The following MEGF6 variants were observed in gnomAD, a reference collection of about 807,000 sequenced individuals.
MEGF6 encodes multiple epidermal growth factor-like domains protein 6.
MEGF6 carries 184 observed loss-of-function variants against 207.1 expected under a neutral mutation model. The observed-to-expected ratio is 0.89, with a 90% confidence interval of 0.79 to 1.00. The LOEUF is 1.00. Among genes scored for constraint, MEGF6 ranks in the 50% least tolerant of loss-of-function variants. The pLI is 0.00. For missense variants in MEGF6, 2,282 were observed against 2,202.9 expected, an observed-to-expected ratio of 1.04 and a Z score of -0.72; for synonymous variants, 1,038 against 910.0, an observed-to-expected ratio of 1.14 and a Z score of -2.53.
intron 4 of MEGF6, among the ~76,000 whole-genome samples, chr1:3,569,420 T>C (rs998674501): frequency 1.3e-5 from 2 of 152,176 alleles, no homozygotes; most frequent in Non-Finnish European, 2.9e-5. Flanking sequence ...ATCTGTGAAG[T>C]GGAACAGGCA....
intron 3 of MEGF6, among the ~76,000 whole-genome samples, chr1:3,581,533 C>G (rs1245570563): frequency 6.6e-6 from 1 of 152,216 alleles, no homozygotes; most frequent in Non-Finnish European, 1.5e-5. Flanking sequence ...TAACAGGAAA[C>G]ATCCGTGTCC....
intron 17 of MEGF6, among the ~76,000 whole-genome samples, chr1:3,502,502 G>A (rs930514027): frequency 8.5e-5 from 13 of 152,068 alleles, no homozygotes; most frequent in South Asian, 2.1e-4. Flanking sequence ...CACTCCACCC[G>A]CAGAGTCACT....
chr1:3,508,915 CTG>C (rs1292090661), intron 12 of MEGF6, among the ~76,000 whole-genome samples, 158 bp downstream of exon 12: 5 of 152,214 alleles, frequency 3.3e-5, no homozygotes, highest in African/African-American at 1.2e-4. Context: ...GCTGCGCAAA[CTG>C]AGCCAGTGGC....
intron 12 of MEGF6, 124 bp from the exon 13 acceptor site, chr1:3,508,813 C>A: frequency 7.8e-7 from 1 of 1,287,206 alleles, no homozygotes; most frequent in East Asian, 2.4e-5. Flanking sequence ...CATGAGGGCC[C>A]CCAAAGGGTG....
At chr1:3,584,011 G>A (rs2995009) in intron 3 of MEGF6, among the ~76,000 whole-genome samples, 90,451 of 151,526 alleles carry the variant, frequency 0.6, 29,962 homozygotes, top group Non-Finnish European at 0.75. Context: ...AGTGAGGACC[G>A]TGGCCATTTG....
chr1:3,510,702 C>T (rs1440882968), intron 10 of MEGF6, 81 bp downstream of exon 10: 2 of 1,503,828 alleles, frequency 1.3e-6, no homozygotes, highest in African/African-American at 1.4e-5. Context: ...CATGGGGGTA[C>T]CAGAGCCAGC....
At chr1:3,492,884 G>A (rs1640431598) in intron 34 of MEGF6, 117 bp from the exon 35 acceptor site, 2 of 1,406,876 alleles carry the variant, frequency 1.4e-6, no homozygotes, top group Admixed American at 2.2e-5. Flanking sequence ...CCTTCTGCCT[G>A]GGTGTGTGCG....
At chr1:3,604,250 G>A (rs889551335) in intron 1 of MEGF6, among the ~76,000 whole-genome samples, 5 of 152,208 alleles carry the variant, frequency 3.3e-5, no homozygotes, top group Admixed American at 1.3e-4. Context: ...TTTCCCAAAC[G>A]TCCCATCCCA....
intron 17 of MEGF6, among the ~76,000 whole-genome samples, chr1:3,504,117 CAG>C (rs1641013405): frequency 6.7e-6 from 1 of 150,342 alleles, no homozygotes; most frequent in South Asian, 2.1e-4. Flanking sequence ...CCAGGGGAGG[CAG>C]AGGAGGGGGC....
chr1:3,497,200 C>T (rs546893443), intron 27 of MEGF6, 33 bp downstream of exon 27: 127 of 1,531,002 alleles, frequency 8.3e-5, no homozygotes, highest in East Asian at 4.6e-4. Flanking sequence ...CCTGCCCAGC[C>T]GCTCCTCGGG....
intron 3 of MEGF6, among the ~76,000 whole-genome samples, chr1:3,588,040 G>T (rs1477254883): frequency 4.3e-5 from 1 of 23,348 alleles, no homozygotes. Flanking sequence ...GAGTGGCCAG[G>T]AGGGGGCAGG....
intron 4 of MEGF6, among the ~76,000 whole-genome samples, chr1:3,547,276 G>A (rs898211796): frequency 5.9e-5 from 9 of 152,190 alleles, no homozygotes; most frequent in African/African-American, 1.9e-4. Flanking sequence ...AGGGAGGCTG[G>A]GTGTGGAAAC....
chr1:3,603,218 G>C (rs1435570979), intron 1 of MEGF6, among the ~76,000 whole-genome samples: 1 of 152,198 alleles, frequency 6.6e-6, no homozygotes, highest in African/African-American at 2.4e-5. Context: ...AACCAGGGGA[G>C]GGGGCATGCC....
chr1:3,571,604 G>A (rs558297701), intron 4 of MEGF6, among the ~76,000 whole-genome samples: 3 of 151,986 alleles, frequency 2.0e-5, no homozygotes, highest in Admixed American at 2.0e-4. Context: ...TGCATATGCT[G>A]GGTCATTTCC....
chr1:3,490,936 T>C lies in MEGF6; in HGVS notation c.4540A>G (p.Asn1514Asp). The C allele has an allele frequency of 6.2e-7, 1 of 1,601,944 alleles. No individual in the cohort carries two copies. Among genetic ancestry groups the C allele is most frequent in the Middle Eastern group, 1.7e-4 (1 of 6,000 alleles). The change falls in exon 36 of 37, where the codon AAC becomes GAC. Residue 1514 changes from asparagine to aspartate, a missense_variant. Asn to Asp is a conservative substitution (Grantham distance 23). Coordinates refer to ENST00000356575, the MANE Select transcript of MEGF6 (RefSeq NM_001409.4). ...CCTGAGCCCTGGGCTAAGGACGGGT[T>C]CTCGGGGAGCCGGAGGGGCCCACCT... ...REGGPLRLPENPSLAQGSAGT... is the reference protein window; with the variant it reads ...REGGPLRLPEDPSLAQGSAGT...
chr1:3,587,212 CT>C (rs1379255426), intron 3 of MEGF6, among the ~76,000 whole-genome samples: 1 of 152,246 alleles, frequency 6.6e-6, no homozygotes, highest in Non-Finnish European at 1.5e-5. Flanking sequence ...ACTCTCAGGC[CT>C]CACCGAGGAC....
intron 17 of MEGF6, among the ~76,000 whole-genome samples, chr1:3,503,093 G>A (rs879915467): frequency 6.6e-6 from 1 of 152,198 alleles, no homozygotes; most frequent in Non-Finnish European, 1.5e-5. Flanking sequence ...GCCTGGGGAG[G>A]AGCACCGGTA....
intron 4 of MEGF6, among the ~76,000 whole-genome samples, chr1:3,533,346 C>T (rs954477812): frequency 6.6e-6 from 1 of 152,276 alleles, no homozygotes; most frequent in Non-Finnish European, 1.5e-5. Context: ...CCCCTCCCAT[C>T]AGCCTCTGAG....
intron 4 of MEGF6, among the ~76,000 whole-genome samples, chr1:3,558,655 GA>G (rs1280957465): frequency 2.6e-5 from 4 of 152,232 alleles, no homozygotes; most frequent in African/African-American, 9.7e-5. Context: ...ACAGAAACCA[GA>G]ACTGCGTTAG....
Sources: allele counts gnomAD v4.1 joint callset (sites outside exome capture counted in the v4.1 genomes callset), GRCh38; gene constraint gnomAD v4.1.1; transcripts MANE v1.5; gene names NCBI Gene and HGNC (gene_info 2026-07-23, HGNC 2026-07-21).